The following VWC2L variants were observed in gnomAD, a reference collection of about 807,000 sequenced individuals.
The protein encoded by VWC2L is von Willebrand factor C domain-containing protein 2-like.
A neutral mutation model predicts 21.6 loss-of-function variants in VWC2L; 10 were observed. That is an observed-to-expected ratio of 0.46 (90% CI 0.29 to 0.78). VWC2L has a LOEUF of 0.78. Ranked by LOEUF, VWC2L falls within the 30% of genes least tolerant of loss-of-function variation. The pLI is 0.10. For synonymous variants in VWC2L, 96 were observed against 94.3 expected (o/e 1.02, Z -0.10); for missense variants, 209 against 277.1 (o/e 0.75, Z 1.74).
chr2:214,418,980 C>T (rs1702396016), intron 2 of VWC2L, among the ~76,000 whole-genome samples: 1 of 152,196 alleles, frequency 6.6e-6, no homozygotes. Context: ...CTGTCTCACC[C>T]TATGCAGTTG....
chr2:214,457,918 G>A (rs565638392), intron 3 of VWC2L, among the ~76,000 whole-genome samples: 3 of 152,088 alleles, frequency 2.0e-5, no homozygotes, highest in African/African-American at 4.8e-5. Flanking sequence ...ATATTGACCT[G>A]TAGTTTTCTT....
At chr2:214,559,752 G>A (rs903682496) in intron 3 of VWC2L, among the ~76,000 whole-genome samples, 4 of 152,126 alleles carry the variant, frequency 2.6e-5, no homozygotes, top group Non-Finnish European at 2.9e-5. Context: ...TAAAACAACA[G>A]ATGTATGCCC....
chr2:214,519,573 AAG>A, intron 3 of VWC2L, among the ~76,000 whole-genome samples: 1 of 152,222 alleles, frequency 6.6e-6, no homozygotes, highest in Non-Finnish European at 1.5e-5. Context: ...AGATAAATAA[AAG>A]AAAACAGGAA....
chr2:214,424,216 GT>G (rs1408490111), intron 2 of VWC2L, among the ~76,000 whole-genome samples: 1 of 152,058 alleles, frequency 6.6e-6, no homozygotes, highest in Non-Finnish European at 1.5e-5. Context: ...TTTCTAGATT[GT>G]TTTCTAAGGA....
chr2:214,507,429 A>T (rs1688982704), intron 3 of VWC2L, among the ~76,000 whole-genome samples: 1 of 152,224 alleles, frequency 6.6e-6, no homozygotes, highest in Non-Finnish European at 1.5e-5. Flanking sequence ...GATCATTTTC[A>T]CATATATTAC....
At chr2:214,445,726 C>G (rs1702828038) in intron 3 of VWC2L, among the ~76,000 whole-genome samples, 1 of 151,652 alleles carries the variant, frequency 6.6e-6, no homozygotes, top group African/African-American at 2.4e-5. Context: ...TGTCCTGCAA[C>G]AAGTATATAT....
intron 3 of VWC2L, among the ~76,000 whole-genome samples, chr2:214,499,594 T>C (rs2126205244): frequency 6.6e-6 from 1 of 152,226 alleles, no homozygotes; most frequent in East Asian, 1.9e-4. Flanking sequence ...AAGGCACATG[T>C]ATACATATGT....
At chr2:214,555,678 T>A (rs1455724588) in intron 3 of VWC2L, among the ~76,000 whole-genome samples, 4 of 152,198 alleles carry the variant, frequency 2.6e-5, no homozygotes, top group Non-Finnish European at 5.9e-5. Flanking sequence ...CATCCCCACT[T>A]CTAAATGTTT....
chr2:214,468,550 A>G (rs917361585), intron 3 of VWC2L, among the ~76,000 whole-genome samples: 1 of 152,218 alleles, frequency 6.6e-6, no homozygotes, highest in African/African-American at 2.4e-5. Flanking sequence ...ACTACCTTAA[A>G]AATATTAGCT....
intron 3 of VWC2L, among the ~76,000 whole-genome samples, chr2:214,488,521 C>T (rs759915740): frequency 6.6e-6 from 1 of 152,092 alleles, no homozygotes; most frequent in Non-Finnish European, 1.5e-5. Context: ...ATCACTTGAG[C>T]CCAGGAGGTC....
At chr2:214,443,323 G>T (rs1472873158) in intron 3 of VWC2L, among the ~76,000 whole-genome samples, 1 of 152,004 alleles carries the variant, frequency 6.6e-6, no homozygotes, top group African/African-American at 2.4e-5. Context: ...AGTGAGCTGA[G>T]ATCACGCCCT....
intron 3 of VWC2L, among the ~76,000 whole-genome samples, chr2:214,489,811 A>G (rs1289907260): frequency 6.6e-6 from 1 of 152,210 alleles, no homozygotes; most frequent in Non-Finnish European, 1.5e-5. Context: ...GCTCTGCTCC[A>G]GTTAGTTATT....
chr2:214,419,505 T>C (rs1313195208), intron 2 of VWC2L, among the ~76,000 whole-genome samples: 2 of 152,262 alleles, frequency 1.3e-5, no homozygotes, highest in Non-Finnish European at 2.9e-5. Context: ...TTGTAGGTCA[T>C]ACACTGAAGG....
chr2:214,545,225 G>GA (rs1283974249), intron 3 of VWC2L, among the ~76,000 whole-genome samples: 3 of 152,034 alleles, frequency 2.0e-5, no homozygotes, highest in Non-Finnish European at 2.9e-5. Context: ...ATTTAAAATA[G>GA]AAAAAAATCT....
chr2:214,503,796 A>G (rs954558518), intron 3 of VWC2L, among the ~76,000 whole-genome samples: 1 of 151,834 alleles, frequency 6.6e-6, no homozygotes, highest in Admixed American at 6.6e-5. Flanking sequence ...AGATGGGACA[A>G]GTAAGATATG....
chr2:214,422,488 A>G (rs949941595), intron 2 of VWC2L, among the ~76,000 whole-genome samples: 1 of 152,234 alleles, frequency 6.6e-6, no homozygotes, highest in African/African-American at 2.4e-5. Flanking sequence ...AGGACAGCAC[A>G]AGAAAAACCT....
At chr2:214,468,276 G>T (rs1310850695) in intron 3 of VWC2L, among the ~76,000 whole-genome samples, 3 of 152,164 alleles carry the variant, frequency 2.0e-5, no homozygotes, top group African/African-American at 4.8e-5. Flanking sequence ...CTTGGCCTCA[G>T]TTCTGGGATT....
chr2:214,536,652 T>C (rs1169538635), intron 3 of VWC2L: 1 of 152,066 alleles, frequency 6.6e-6, no homozygotes, highest in African/African-American at 2.4e-5. Context: ...GTTCTTATTA[T>C]CATATAAAAG....
At position 214,578,692 on chromosome 2, in the gene VWC2L, C is replaced by T. The variant is rs1157901038; in HGVS notation, c.*2872C>T. The T allele has an allele frequency of 6.6e-6, 1 of 152,126 alleles. No homozygotes were observed. Among genetic ancestry groups the T allele is most frequent in the Non-Finnish European group, 1.5e-5 (1 of 68,022 alleles). The allele number at this position is 152,126 out of a possible 1,614,324, so 9.4% of individuals were successfully genotyped here. A position where few individuals can be genotyped will look rare whatever the true frequency, so the allele number is the denominator to read the frequency against. Reference sequence around the variant, plus strand: ...CTTGTGAAGTCTTTGTTTGCAGCCACACTGTCATCTCTGTACTCCTATTTC... The same window carrying T: ...CTTGTGAAGTCTTTGTTTGCAGCCATACTGTCATCTCTGTACTCCTATTTC... On this transcript the variant is annotated 3_prime_UTR_variant, in exon 4 of 4. Coordinates refer to ENST00000312504, the MANE Select transcript of VWC2L (RefSeq NM_001080500.4).
Sources: allele counts gnomAD v4.1 joint callset (sites outside exome capture counted in the v4.1 genomes callset), GRCh38; gene constraint gnomAD v4.1.1; transcripts MANE v1.5; gene names NCBI Gene and HGNC (gene_info 2026-07-23, HGNC 2026-07-21).